ZBTB38: variants seen among roughly 807,000 people sequenced by gnomAD.
ZBTB38 encodes the protein zinc finger and BTB domain-containing protein 38.
Under a neutral mutation model 76.8 loss-of-function variants are expected in ZBTB38, and 20 were observed. That is an observed-to-expected ratio of 0.26 (90% CI 0.18 to 0.38). The LOEUF is 0.38. ZBTB38 is among the 10% of genes least tolerant of loss of function. ZBTB38 has a pLI of 1.00. For synonymous variants in ZBTB38, 504 were observed against 544.2 expected (o/e 0.93, Z 1.03); for missense variants, 1,082 against 1,482.3 (o/e 0.73, Z 4.43).
At chr3:141,330,790 G>T (rs1454977349) in intron 1 of ZBTB38, among the ~76,000 whole-genome samples, 2 of 152,180 alleles carry the variant, frequency 1.3e-5, no homozygotes. Flanking sequence ...GTTATCACAG[G>T]AGGGGAACTG....
At chr3:141,334,205 T>A (rs371521326) in intron 1 of ZBTB38, among the ~76,000 whole-genome samples, 1 of 132,712 alleles carries the variant, frequency 7.5e-6, no homozygotes, top group East Asian at 2.2e-4. Flanking sequence ...AATCTTTAGA[T>A]CCCTTCTCAG....
At chr3:141,388,113 A>ATTT (rs1559931111) in intron 4 of ZBTB38, 11 of 150,924 alleles carry the variant, frequency 7.3e-5, no homozygotes, top group South Asian at 4.2e-4. Context: ...ATTTTTTTTA[A>ATTT]AAAAAAATCA....
At chr3:141,387,206 G>A (rs903934484) in intron 4 of ZBTB38, 2 of 151,650 alleles carry the variant, frequency 1.3e-5, no homozygotes, top group East Asian at 3.9e-4. Flanking sequence ...CAATTCATTT[G>A]CTTCTGGATG....
At chr3:141,346,404 G>A (rs1361274968) in intron 1 of ZBTB38, among the ~76,000 whole-genome samples, 3 of 152,068 alleles carry the variant, frequency 2.0e-5, no homozygotes, top group Admixed American at 1.3e-4. Flanking sequence ...AAATTTCCTC[G>A]TGAGCCACTC....
intron 5 of ZBTB38, among the ~76,000 whole-genome samples, chr3:141,406,883 G>A (rs1954694927): frequency 6.6e-6 from 1 of 152,146 alleles, no homozygotes; most frequent in Non-Finnish European, 1.5e-5. Context: ...AAGTTACATT[G>A]TTGGTGTTTT....
At position 141,390,459 on chromosome 3, in the gene ZBTB38, C is replaced by T. The variant is rs1481674772; in HGVS notation, c.-106+3522C>T. ...CTATAATATTTATAATACTATAATA[C>T]CAAGATTGCATCTCTTGCCATAATA... On this transcript the variant is annotated intron_variant, in intron 4 of 5. Transcript: ENST00000321464. 2.6e-5 allele frequency among the ~76,000 whole-genome samples: 4 copies of T among 152,280 alleles called. No homozygotes were observed. The East Asian group carries it at 7.7e-4, about 29-fold the overall frequency.
intron 4 of ZBTB38, chr3:141,387,830 T>TA (rs1310169788): frequency 2.2e-4 from 34 of 152,234 alleles, no homozygotes; most frequent in African/African-American, 8.0e-4. Flanking sequence ...TCCATCGCTT[T>TA]ACATAAAAAT....
At chr3:141,400,137 C>T (rs1486688930) in intron 4 of ZBTB38, among the ~76,000 whole-genome samples, 2 of 151,756 alleles carry the variant, frequency 1.3e-5, no homozygotes, top group African/African-American at 4.8e-5. Flanking sequence ...CTGGAAATTT[C>T]CAGATAGTTC....
chr3:141,399,787 A>G (rs1348599841), intron 4 of ZBTB38, among the ~76,000 whole-genome samples: 1 of 152,186 alleles, frequency 6.6e-6, no homozygotes, highest in Admixed American at 6.5e-5. Context: ...AGTAAGTGTT[A>G]AACTGGCCAA....
At chr3:141,366,578 A>G (rs1222173967), upstream of ZBTB38, 1 of 152,234 alleles carries the variant, frequency 6.6e-6, no homozygotes, top group Non-Finnish European at 1.5e-5. Context: ...GATTCAAACT[A>G]CATGGAACAA....
Position 141,442,367 on chromosome 3 carries a change from C to T in ZBTB38, c.1-22C>T, listed in dbSNP as rs1033250978. On this transcript the variant is annotated intron_variant, in intron 5 of 5. Transcript: ENST00000321464. The surrounding 1 kb of genome is among the most constrained non-coding windows in gnomAD (Gnocchi z 6.4). ...AGCCACCTGTGGAAGATTATCTGACCATTTCTCTCCTCTTGTTTCAGATGA... is the reference window on the plus strand; with the variant it reads ...AGCCACCTGTGGAAGATTATCTGACTATTTCTCTCCTCTTGTTTCAGATGA... 3.2e-6 allele frequency: 5 copies of T among 1,559,764 alleles called. No individual in the cohort carries two copies. In the South Asian group the frequency reaches 5.7e-5, roughly 18 times the overall value.
intron 5 of ZBTB38, among the ~76,000 whole-genome samples, chr3:141,439,751 C>G (rs2079670710): frequency 6.6e-6 from 1 of 152,154 alleles, no homozygotes; most frequent in Admixed American, 6.5e-5. Context: ...AGACCTAAGC[C>G]ACCTTTTTGA....
intron 5 of ZBTB38, among the ~76,000 whole-genome samples, chr3:141,428,365 T>C (rs1039432991): frequency 2.0e-5 from 3 of 152,252 alleles, no homozygotes; most frequent in South Asian, 4.1e-4. Context: ...TACACATTCA[T>C]GTGAGGCAAG....
At chr3:141,431,738 G>T (rs1032395984) in intron 5 of ZBTB38, 2 of 152,096 alleles carry the variant, frequency 1.3e-5, no homozygotes, top group African/African-American at 4.8e-5. Context: ...GTCCAAGCTG[G>T]CCTCCCTCTC....
At chr3:141,403,517 G>T (rs899415133) in intron 4 of ZBTB38, among the ~76,000 whole-genome samples, 37 of 152,338 alleles carry the variant, frequency 2.4e-4, no homozygotes, top group African/African-American at 8.9e-4. Context: ...CACATAGTAA[G>T]GGTAAGCATT....
intron 4 of ZBTB38, chr3:141,390,104 C>G (rs1268191854): frequency 6.6e-6 from 1 of 152,140 alleles, no homozygotes; most frequent in Non-Finnish European, 1.5e-5. Context: ...TATATTACTT[C>G]GTTGTGTTTC....
intron 5 of ZBTB38, among the ~76,000 whole-genome samples, chr3:141,441,128 C>A (rs1220555066): frequency 6.6e-6 from 1 of 151,642 alleles, no homozygotes; most frequent in Non-Finnish European, 1.5e-5. Context: ...GTGTTAATTT[C>A]ATTTGTGTCT....
intron 5 of ZBTB38, among the ~76,000 whole-genome samples, chr3:141,437,976 A>G (rs940253881): frequency 5.3e-5 from 8 of 151,960 alleles, no homozygotes; most frequent in Admixed American, 2.6e-4. Context: ...CAGTGGCGCA[A>G]TCTTGGCTCA....
chr3:141,409,674 G>A (rs1274273765), intron 5 of ZBTB38, among the ~76,000 whole-genome samples: 1 of 152,200 alleles, frequency 6.6e-6, no homozygotes, highest in Non-Finnish European at 1.5e-5. Flanking sequence ...TCTACTGTCT[G>A]TGCTGCTGCT....
Sources: allele counts gnomAD v4.1 joint callset (sites outside exome capture counted in the v4.1 genomes callset), GRCh38; gene constraint gnomAD v4.1.1; non-coding constraint Gnocchi (gnomAD v3.1); transcripts MANE v1.5; gene names NCBI Gene and HGNC (gene_info 2026-07-23, HGNC 2026-07-21).